PARM1: variants seen among roughly 807,000 people sequenced by gnomAD.
The protein encoded by PARM1 is WSC4, cell wall integrity and stress response component 4 homolog.
A neutral mutation model predicts 24.6 loss-of-function variants in PARM1; 14 were observed. The ratio of observed to expected loss-of-function variants is 0.57; its 90% CI spans 0.38 to 0.89. PARM1 has a LOEUF of 0.89. Ranked by LOEUF, PARM1 falls within the 40% of genes least tolerant of loss-of-function variation. The probability of loss-of-function intolerance (pLI) is 0.00; values close to 1 mark genes in which losing one functional copy is unlikely to be tolerated. For synonymous variants in PARM1, 179 were observed against 156.6 expected, an observed-to-expected ratio of 1.14 and a Z score of -1.07; for missense variants, 362 against 380.4, an observed-to-expected ratio of 0.95 and a Z score of 0.40.
intron 1 of PARM1, among the ~76,000 whole-genome samples, chr4:74,975,679 T>G (rs182165200): frequency 6.6e-6 from 1 of 152,364 alleles, no homozygotes. Flanking sequence ...CAACAACTTC[T>G]GTGTAATTAT....
chr4:75,026,473 C>A (rs891360596), intron 2 of PARM1, among the ~76,000 whole-genome samples: 7 of 152,112 alleles, frequency 4.6e-5, no homozygotes, highest in African/African-American at 1.7e-4. Flanking sequence ...AATAAAACAG[C>A]AAATGTCTAG....
rs145189141 is a variant in PARM1, at chr4:74,991,957, C to T, written c.44-20468C>T. ...ATAAATCAAGATTCCCAGACCTGCT[C>T]CTTGTGTTCAATTAATTTGCTAGAG... On this transcript the variant is annotated intron_variant, in intron 1 of 3. Coordinates refer to ENST00000307428, the MANE Select transcript of PARM1 (RefSeq NM_015393.4). Among the ~76,000 whole-genome samples, 430 of 152,282 alleles carry T rather than the reference C, an allele frequency of 2.8e-3. 3 individuals carry two copies. The highest frequency in any genetic ancestry group is 2.5e-3 in the South Asian group (12 of 4,826).
chr4:75,012,139 C>G (rs954496075), intron 1 of PARM1, among the ~76,000 whole-genome samples: 5 of 152,112 alleles, frequency 3.3e-5, no homozygotes, highest in Admixed American at 1.3e-4. Flanking sequence ...TGATTTTAAG[C>G]AAGTTGGGGA....
At position 75,039,138 on chromosome 4, in the gene PARM1, G is replaced by A. The variant is rs72660387; in HGVS notation, c.848+5177G>A. On this transcript the variant is annotated intron_variant, in intron 3 of 3. Transcript: ENST00000307428. ...TGTTATACACAGTTGACTTTTTCAG[G>A]TCACCTTTTGGAGTTCTGTAGGTCT... Among the ~76,000 whole-genome samples, 916 of 152,284 alleles carry A rather than the reference G, an allele frequency of 6.0e-3. 4 individuals carry two copies. Among genetic ancestry groups the A allele is most frequent in the Middle Eastern group, 0.014 (4 of 294 alleles).
At chr4:75,027,469 G>A (rs867949831) in intron 2 of PARM1, among the ~76,000 whole-genome samples, 12 of 151,974 alleles carry the variant, frequency 7.9e-5, no homozygotes, top group African/African-American at 2.4e-4. Context: ...TTCCAATAAT[G>A]GTAAAATTAA....
At chr4:75,044,429 A>G (rs564209457) in intron 3 of PARM1, among the ~76,000 whole-genome samples, 30 of 152,200 alleles carry the variant, frequency 2.0e-4, no homozygotes, top group African/African-American at 7.0e-4. Context: ...GGATCTCTGG[A>G]TTTATTTTTT....
At chr4:74,952,674 G>GT (rs1721549432) in intron 1 of PARM1, among the ~76,000 whole-genome samples, 1 of 152,152 alleles carries the variant, frequency 6.6e-6, no homozygotes, top group Non-Finnish European at 1.5e-5. Context: ...AACATTAAAA[G>GT]TATCTTCTTC....
intron 1 of PARM1, among the ~76,000 whole-genome samples, chr4:74,934,996 C>CTTTTTTTT (rs11392364): frequency 1.3e-3 from 157 of 116,344 alleles, no homozygotes; most frequent in Middle Eastern, 4.1e-3. Flanking sequence ...GCTCTTTTTT[C>CTTTTTTTT]TTTTTTTTTT....
chr4:74,976,871 C>A (rs1722149048), intron 1 of PARM1, among the ~76,000 whole-genome samples: 1 of 152,050 alleles, frequency 6.6e-6, no homozygotes, highest in East Asian at 1.9e-4. Flanking sequence ...GAAGAGGGGC[C>A]AGACTGTTAA....
intron 1 of PARM1, among the ~76,000 whole-genome samples, chr4:74,947,015 TA>T (rs1237077546): frequency 2.0e-5 from 3 of 152,214 alleles, no homozygotes; most frequent in African/African-American, 7.2e-5. Context: ...TTCCAGCTAA[TA>T]AATGAAGAAG....
chr4:74,994,161 C>T (rs767012697), intron 1 of PARM1: 11 of 152,110 alleles, frequency 7.2e-5, no homozygotes, highest in Admixed American at 1.3e-4. Flanking sequence ...CAAAGAATGC[C>T]TTTTGAAGAA....
chr4:74,983,050 T>G (rs1722289054), intron 1 of PARM1, among the ~76,000 whole-genome samples: 1 of 152,212 alleles, frequency 6.6e-6, no homozygotes, highest in South Asian at 2.1e-4. Context: ...GATATTGTCT[T>G]GTATCTATAG....
At chr4:74,967,719 AT>A (rs1721934702) in intron 1 of PARM1, 1 of 152,224 alleles carries the variant, frequency 6.6e-6, no homozygotes, top group South Asian at 2.1e-4. Context: ...AACCAAATAC[AT>A]GCCTACCTGT....
intron 1 of PARM1, among the ~76,000 whole-genome samples, chr4:74,970,840 T>A (rs972584810): frequency 2.6e-5 from 4 of 152,080 alleles, no homozygotes; most frequent in African/African-American, 7.2e-5. Flanking sequence ...TACCTTAGAG[T>A]GAGAGGCAAT....
At chr4:74,936,985 C>T (rs368744649) in intron 1 of PARM1, among the ~76,000 whole-genome samples, 1 of 152,228 alleles carries the variant, frequency 6.6e-6, no homozygotes, top group Admixed American at 6.5e-5. Context: ...CCTGCGCAGA[C>T]GTATTGGTCC....
At chr4:75,019,864 G>A (rs374565791) in intron 2 of PARM1, among the ~76,000 whole-genome samples, 99 of 150,256 alleles carry the variant, frequency 6.6e-4, no homozygotes, top group African/African-American at 2.1e-3. Flanking sequence ...TTAGCCGGGC[G>A]CGGTGGCGGG....
At chr4:74,940,360 A>G (rs2109980077) in intron 1 of PARM1, among the ~76,000 whole-genome samples, 1 of 152,338 alleles carries the variant, frequency 6.6e-6, no homozygotes, top group Admixed American at 6.5e-5. Context: ...CACCATAAAC[A>G]GGGTGGCTTA....
At chr4:74,980,173 A>G (rs892877328) in intron 1 of PARM1, among the ~76,000 whole-genome samples, 9 of 152,182 alleles carry the variant, frequency 5.9e-5, no homozygotes, top group African/African-American at 2.2e-4. Flanking sequence ...AAAAAGTCAA[A>G]CTGTCTCTGT....
intron 3 of PARM1, among the ~76,000 whole-genome samples, chr4:75,044,829 C>T (rs1303321361): frequency 6.6e-6 from 1 of 152,102 alleles, no homozygotes; most frequent in Non-Finnish European, 1.5e-5. Flanking sequence ...AGGCACAAGT[C>T]ACATCTTATG....
Sources: allele counts gnomAD v4.1 joint callset (sites outside exome capture counted in the v4.1 genomes callset), GRCh38; gene constraint gnomAD v4.1.1; transcripts MANE v1.5; gene names NCBI Gene and HGNC (gene_info 2026-07-23, HGNC 2026-07-21).